Variants in CCDC7 observed in about 807,000 individuals in gnomAD.
CCDC7 encodes coiled-coil domain-containing protein 7.
CCDC7 carries 183 observed loss-of-function variants against 196.9 expected under a neutral mutation model. The observed-to-expected ratio is 0.93, with a 90% confidence interval of 0.82 to 1.05. CCDC7 has a LOEUF of 1.05. Among genes scored for constraint, CCDC7 ranks in the 50% least tolerant of loss-of-function variants. The pLI, the probability that CCDC7 is intolerant of heterozygous loss-of-function variation, is 0.00. For synonymous variants in CCDC7, 525 were observed against 484.6 expected, an observed-to-expected ratio of 1.08 and a Z score of -1.10; for missense variants, 1,540 against 1,482.2, an observed-to-expected ratio of 1.04 and a Z score of -0.64.
At chr10:32,722,244 C>G (rs1055012754) in intron 25 of CCDC7, among the ~76,000 whole-genome samples, 1 of 152,006 alleles carries the variant, frequency 6.6e-6, no homozygotes, top group Non-Finnish European at 1.5e-5. Flanking sequence ...GGAATGAATG[C>G]AAGCAGGAAT....
Position 32,713,343 on chromosome 10 carries a change from C to T in CCDC7, c.2569+1613C>T, listed in dbSNP as rs180968536. On this transcript the variant is annotated intron_variant, in intron 25 of 41. Coordinates refer to ENST00000639629, the Ensembl canonical transcript of CCDC7. Reference sequence around the variant, plus strand: ...AGTATCCAAAAGGCCCAAGAAATGTCATTTTTTCCCACCCCCACTTCAAAC... The same window carrying T: ...AGTATCCAAAAGGCCCAAGAAATGTTATTTTTTCCCACCCCCACTTCAAAC... Among the ~76,000 whole-genome samples the T allele has an allele frequency of 3.9e-5, 6 of 152,342 alleles. No individual in the cohort carries two copies. The East Asian group carries it at 9.7e-4, about 25-fold the overall frequency.
At chr10:32,849,089 T>A (rs1458215354) in intron 39 of CCDC7, among the ~76,000 whole-genome samples, 1 of 151,692 alleles carries the variant, frequency 6.6e-6, no homozygotes, top group Non-Finnish European at 1.5e-5. Context: ...TGTGTAAGTA[T>A]CTGCAATATG....
chr10:32,563,698 T>C (rs1307861773), intron 13 of CCDC7, among the ~76,000 whole-genome samples: 1 of 152,122 alleles, frequency 6.6e-6, no homozygotes, highest in African/African-American at 2.4e-5. Context: ...ATAAAAACCC[T>C]AGAAGAAAAC....
intron 5 of CCDC7, among the ~76,000 whole-genome samples, chr10:32,470,327 T>C (rs1049615094): frequency 1.3e-5 from 2 of 152,194 alleles, no homozygotes; most frequent in Non-Finnish European, 2.9e-5. Context: ...ACATTACTCT[T>C]GTGCCATTTT....
chr10:32,870,126 G>T (rs897236216), intron 41 of CCDC7, among the ~76,000 whole-genome samples: 2 of 152,056 alleles, frequency 1.3e-5, no homozygotes, highest in African/African-American at 4.8e-5. Flanking sequence ...TTCCAATTCT[G>T]TGAAGAAAGT....
At chr10:32,809,777 G>T (rs1314964762) in intron 30 of CCDC7, among the ~76,000 whole-genome samples, 1 of 152,214 alleles carries the variant, frequency 6.6e-6, no homozygotes, top group Non-Finnish European at 1.5e-5. Flanking sequence ...TACACTGTTA[G>T]TGGGACTGTA....
At chr10:32,760,596 G>A (rs1220010711) in intron 28 of CCDC7, among the ~76,000 whole-genome samples, 2 of 152,044 alleles carry the variant, frequency 1.3e-5, no homozygotes, top group African/African-American at 4.8e-5. Context: ...GGCCTGTTGT[G>A]GGGTGGGAGG....
chr10:32,876,589 G>C, downstream of CCDC7: 2 of 424,148 alleles, frequency 4.7e-6, no homozygotes, highest in Non-Finnish European at 8.5e-6. Flanking sequence ...TGGTGAGTTT[G>C]AAAGTTTCAA....
Position 32,641,150 on chromosome 10 carries a change from G to A in CCDC7, c.2014+5992G>A, listed in dbSNP as rs192674408. Among the ~76,000 whole-genome samples the A allele has an allele frequency of 4.9e-3, 750 of 152,228 alleles. 6 individuals are homozygous for A. The highest frequency in any genetic ancestry group is 0.017 in the African/African-American group (714 of 41,550). On this transcript the variant is annotated intron_variant, in intron 20 of 41. Transcript: ENST00000639629. The stretch of plus-strand genomic sequence containing the variant: ...GTGTCTTGGAGTTGCTGTTCTCAAA[G>A]CACATCTTTGTGGCGTTCTCTGTAT...
downstream of CCDC7, among the ~76,000 whole-genome samples, chr10:32,881,753 C>T (rs2094799239): frequency 6.6e-6 from 1 of 151,718 alleles, no homozygotes; most frequent in Non-Finnish European, 1.5e-5. Flanking sequence ...CCCACAATTA[C>T]AGGCATACTT....
At chr10:32,774,393 A>G (rs1393685005) in intron 28 of CCDC7, among the ~76,000 whole-genome samples, 2 of 151,992 alleles carry the variant, frequency 1.3e-5, no homozygotes, top group Non-Finnish European at 2.9e-5. Context: ...TGAAGATTCT[A>G]TAACCAGCTG....
In CCDC7 at chr10:32,660,657, G is replaced by A. The variant is rs1591266395; in HGVS notation, c.2015-3397G>A. 4.0e-5 allele frequency among the ~76,000 whole-genome samples: 6 copies of A among 150,926 alleles called. No individual in the cohort carries two copies. The South Asian group carries it at 1.1e-3, about 27-fold the overall frequency. On this transcript the variant is annotated intron_variant, in intron 20 of 41. Transcript: ENST00000639629. ...TATATACCCAGTAATGGGATGGCTGGGTCAAATGGTATTTCCAGTTCTAGA... is the reference window on the plus strand; with the variant it reads ...TATATACCCAGTAATGGGATGGCTGAGTCAAATGGTATTTCCAGTTCTAGA...
intron 18 of CCDC7, among the ~76,000 whole-genome samples, chr10:32,606,380 A>G (rs1033106332): frequency 6.6e-6 from 1 of 152,240 alleles, no homozygotes; most frequent in Non-Finnish European, 1.5e-5. Context: ...AGAGTCCCCA[A>G]CAGGGTACTG....
At position 32,841,826 on chromosome 10, in the gene CCDC7, C is replaced by T. The variant is rs182888591; in HGVS notation, c.3353-3417C>T. Among the ~76,000 whole-genome samples the T allele has an allele frequency of 7.2e-3, 1,092 of 152,060 alleles. 15 individuals carry two copies. Among genetic ancestry groups the T allele is most frequent in the Admixed American group, 0.022 (335 of 15,226 alleles). ...CAAATACTTACAGCCGACAGATCTT[C>T]GACAAAACAAACAAAAACACGAAGT... On this transcript the variant is annotated intron_variant, in intron 33 of 41. Transcript: ENST00000639629.
At chr10:32,697,075 T>C (rs1470097114) in intron 24 of CCDC7, among the ~76,000 whole-genome samples, 2 of 152,186 alleles carry the variant, frequency 1.3e-5, no homozygotes, top group African/African-American at 2.4e-5. Flanking sequence ...AATGAAATAA[T>C]TATACACCAT....
In CCDC7 at chr10:32,755,769, GAGA is replaced by G. The variant is rs530464151; in HGVS notation, c.2906-23202_2906-23200del. Among the ~76,000 whole-genome samples, 104 of 152,242 alleles carry G rather than the reference GAGA, an allele frequency of 6.8e-4. 2 individuals are homozygous for G. Among genetic ancestry groups the G allele is most frequent in the Admixed American group, 6.5e-3 (100 of 15,282 alleles). On this transcript the variant is annotated intron_variant, in intron 28 of 41. Coordinates refer to ENST00000639629, the Ensembl canonical transcript of CCDC7. ...ACGGAGAATGACTTTGACGAGTTGAGAGAAGAAGGCTTCAGACGATCAGTAATA... is the reference window on the plus strand; with the variant it reads ...ACGGAGAATGACTTTGACGAGTTGAGAGAAGGCTTCAGACGATCAGTAATA...
intron 16 of CCDC7, among the ~76,000 whole-genome samples, chr10:32,576,251 A>ATGCTTTTGCTTT (rs2058167217): frequency 6.6e-6 from 1 of 151,934 alleles, no homozygotes; most frequent in African/African-American, 2.4e-5. Context: ...TTGCTTTTAA[A>ATGCTTTTGCTTT]TGAGCAATAT....
chr10:32,694,939 T>G lies in CCDC7; in HGVS notation c.2405T>G (p.Leu802Arg), dbSNP rs77776312. ...GAACATCAAGATTCAGTGTCAAAAC[T>G]GGAAATGCAAATTGAAAAAACCAAA... Residue 802 changes from leucine to arginine, a missense_variant, in exon 24 of 42, where the codon CTG becomes CGG. By Grantham distance (102) the Leu-to-Arg change is moderately radical. Coordinates refer to ENST00000639629, the Ensembl canonical transcript of CCDC7. 19 of 1,606,900 alleles carry G rather than the reference T, an allele frequency of 1.2e-5. No homozygotes were observed. In the African/African-American group the frequency reaches 2.3e-4, roughly 19 times the overall value.
rs780003398 is a variant in CCDC7, at chr10:32,694,875, G to A, written c.2345-4G>A. ...TAAGAGACTAAATGCATCTCCTTAT[G>A]TAGCTCATGATGAAGAACCAGGCAA... On this transcript the variant is annotated splice_region_variant and splice_polypyrimidine_tract_variant and intron_variant, in intron 23 of 41. Coordinates refer to ENST00000639629, the Ensembl canonical transcript of CCDC7. The A allele has an allele frequency of 1.3e-6, 2 of 1,571,234 alleles. 1 individual carries two copies. Among genetic ancestry groups the A allele is most frequent in the East Asian group, 4.5e-5 (2 of 44,310 alleles).
Sources: gnomAD v4.1 joint callset for allele counts (sites outside exome capture counted in the v4.1 genomes callset) on GRCh38, gnomAD v4.1.1 for gene constraint, MANE v1.5 for transcripts, NCBI Gene and HGNC (gene_info 2026-07-23, HGNC 2026-07-21) for gene names.